Variants in THSD7A observed in about 807,000 individuals in gnomAD.
The protein encoded by THSD7A is thrombospondin type 1 domain containing 7A.
THSD7A carries 96 observed loss-of-function variants against 231.3 expected under a neutral mutation model. That is an observed-to-expected ratio of 0.41 (90% CI 0.35 to 0.49). The LOEUF is 0.49. Among genes scored for constraint, THSD7A ranks in the 20% least tolerant of loss-of-function variants. The pLI is 0.05. For missense variants in THSD7A, 2,290 were observed against 2,070.2 expected (o/e 1.11, Z -2.06); for synonymous variants, 940 against 743.3 (o/e 1.26, Z -4.30).
At position 11,460,677 on chromosome 7, in the gene THSD7A, C is replaced by T; in HGVS notation, c.2590G>A (p.Gly864Arg). The T allele has an allele frequency of 6.2e-7, 1 of 1,610,446 alleles. No individual in the cohort carries two copies. Among genetic ancestry groups the T allele is most frequent in the Non-Finnish European group, 8.5e-7 (1 of 1,178,410 alleles). Residue 864 changes from glycine to arginine, a missense_variant, in exon 11 of 28, where the codon GGG (glycine) becomes AGG (arginine). Physicochemically the swap from Gly to Arg is moderately radical, Grantham distance 125. Transcript: ENST00000423059. ...GGCCTCCCACCTCTTGCCTGTCGCC[C>T]AGGCCCACAGCCTTCCTGTGCTCCA... ...SPGAQEGCGP[G>R]RQARAITCRK...
intron 1 of THSD7A, among the ~76,000 whole-genome samples, chr7:11,642,534 C>T (rs1782124042): frequency 6.6e-6 from 1 of 152,124 alleles, no homozygotes; most frequent in South Asian, 2.1e-4. Flanking sequence ...CTTAGCTTGA[C>T]AGATTTTATG....
chr7:11,565,028 A>G, intron 4 of THSD7A, among the ~76,000 whole-genome samples: 1 of 152,164 alleles, frequency 6.6e-6, no homozygotes, highest in East Asian at 1.9e-4. Context: ...CACTGCAAAT[A>G]TGGAGAGTCT....
intron 1 of THSD7A, among the ~76,000 whole-genome samples, chr7:11,654,697 G>C (rs2128370257): frequency 6.6e-6 from 1 of 151,936 alleles, no homozygotes; most frequent in Non-Finnish European, 1.5e-5. Context: ...TGGTTTATGT[G>C]GCCAATCTGT....
At chr7:11,379,555 A>G (rs1169007661) in intron 25 of THSD7A, 75 bp downstream of exon 25, 1 of 1,328,404 alleles carries the variant, frequency 7.5e-7, no homozygotes, top group African/African-American at 1.5e-5. Flanking sequence ...CTTTGGAGGA[A>G]GATAAACTGC....
chr7:11,767,448 T>C (rs1783064307), intron 1 of THSD7A, among the ~76,000 whole-genome samples: 1 of 152,168 alleles, frequency 6.6e-6, no homozygotes, highest in South Asian at 2.1e-4. Context: ...GCCAGGAACA[T>C]TAATTAGTCT....
At chr7:11,498,297 TAGCCTTTA>T (rs1410064530) in intron 6 of THSD7A, among the ~76,000 whole-genome samples, 1 of 152,180 alleles carries the variant, frequency 6.6e-6, no homozygotes, top group Non-Finnish European at 1.5e-5. Flanking sequence ...TTGGCCATTC[TAGCCTTTA>T]GGCTTTGGAG....
At chr7:11,797,191 T>C (rs1048232108) in intron 1 of THSD7A, among the ~76,000 whole-genome samples, 9 of 152,102 alleles carry the variant, frequency 5.9e-5, no homozygotes, top group Admixed American at 3.9e-4. Flanking sequence ...TTACCTTCTG[T>C]CCTCTAACAG....
intron 2 of THSD7A, among the ~76,000 whole-genome samples, chr7:11,599,022 C>T (rs1780461375): frequency 6.6e-6 from 1 of 152,144 alleles, no homozygotes; most frequent in Non-Finnish European, 1.5e-5. Flanking sequence ...CAGTTTACTA[C>T]TCCATAACAG....
chr7:11,668,068 G>C (rs956158265), intron 1 of THSD7A, among the ~76,000 whole-genome samples: 1 of 152,096 alleles, frequency 6.6e-6, no homozygotes, highest in East Asian at 1.9e-4. Context: ...ACTGTGCCAG[G>C]AAGTACCTGT....
At chr7:11,399,903 G>A (rs955235355) in intron 23 of THSD7A, among the ~76,000 whole-genome samples, 3 of 151,936 alleles carry the variant, frequency 2.0e-5, no homozygotes, top group African/African-American at 7.3e-5. Flanking sequence ...AAAGACTTGG[G>A]ACCAACCCAA....
chr7:11,429,252 C>T (rs1475829289), intron 13 of THSD7A, 127 bp from the exon 14 acceptor site: 2 of 854,588 alleles, frequency 2.3e-6, no homozygotes, highest in African/African-American at 1.7e-5. Context: ...GCAGAGGTGT[C>T]TCTGTTGTAA....
rs1426541405 is a variant in THSD7A at position 11,831,550 on chromosome 7, C to G, written c.190+207G>C. Among the ~76,000 whole-genome samples the G allele has an allele frequency of 6.6e-6, 1 of 152,210 alleles. No homozygotes were observed. Among genetic ancestry groups the G allele is most frequent in the African/African-American group, 2.4e-5 (1 of 41,462 alleles). The stretch of plus-strand genomic sequence containing the variant: ...AGCTGCGAGAGAAATATTCCAGCTA[C>G]TCACTGTTGCCTCTTAGTTGTTATG... On this transcript the variant is annotated intron_variant, in intron 1 of 27. Transcript: ENST00000423059. The surrounding 1 kb of genome is among the most constrained non-coding windows in gnomAD (Gnocchi z 5.0).
At chr7:11,799,113 G>A (rs6952082) in intron 1 of THSD7A, among the ~76,000 whole-genome samples, 2,429 of 152,064 alleles carry the variant, frequency 0.016, 57 homozygotes, top group African/African-American at 0.055. Flanking sequence ...GGTAGAGATG[G>A]GGTTTCACCA....
Position 11,462,250 on chromosome 7 carries a change from A to G in THSD7A, c.2369-107T>C, listed in dbSNP as rs143373506. 63 of 1,289,226 alleles carry G rather than the reference A, an allele frequency of 4.9e-5. No homozygotes were observed. In the African/African-American group the frequency reaches 7.4e-4, roughly 15 times the overall value. 79.9% of individuals were successfully genotyped at this position (1,289,226 alleles called of 1,614,324 possible). On this transcript the variant is annotated intron_variant, in intron 9 of 27. Transcript: ENST00000423059. ...ATTGCCTCCAGCTACATGTGCTTTG[A>G]CATCCCTGAGAGGCTTCACCTGGTC...
Position 11,573,509 on chromosome 7 carries a change from A to C in THSD7A, c.1453+16951T>G, listed in dbSNP as rs12699242. Among the ~76,000 whole-genome samples, 3 of 152,106 alleles carry C rather than the reference A, an allele frequency of 2.0e-5. 1 individual carries two copies. In the South Asian group the frequency reaches 6.2e-4, roughly 32 times the overall value. Reference sequence around the variant, plus strand: ...GCAGATGGAGGCAATTTTGAAGCTCAGTTCACAACTGTAATCACGGTCTTC... The same window carrying C: ...GCAGATGGAGGCAATTTTGAAGCTCCGTTCACAACTGTAATCACGGTCTTC... On this transcript the variant is annotated intron_variant, in intron 4 of 27. Coordinates refer to ENST00000423059, the MANE Select transcript of THSD7A (RefSeq NM_015204.3).
At chr7:11,802,056 C>T (rs559142279) in intron 1 of THSD7A, among the ~76,000 whole-genome samples, 64 of 152,244 alleles carry the variant, frequency 4.2e-4, no homozygotes, top group African/African-American at 1.5e-3. Flanking sequence ...CAATTTCTAA[C>T]CACAAAACTT....
intron 6 of THSD7A, among the ~76,000 whole-genome samples, chr7:11,495,879 C>T (rs1485299510): frequency 2.6e-5 from 4 of 151,940 alleles, no homozygotes; most frequent in Admixed American, 6.6e-5. Flanking sequence ...TACACAGAAT[C>T]GAAATAACAG....
At chr7:11,638,832 C>A (rs180846595) in intron 1 of THSD7A, among the ~76,000 whole-genome samples, 2 of 152,050 alleles carry the variant, frequency 1.3e-5, no homozygotes, top group Non-Finnish European at 2.9e-5. Context: ...ATATTTTAAT[C>A]TTATTTTTAA....
At chr7:11,630,244 G>GA (rs1781606419) in intron 2 of THSD7A, among the ~76,000 whole-genome samples, 1 of 152,120 alleles carries the variant, frequency 6.6e-6, no homozygotes, top group Admixed American at 6.5e-5. Context: ...GCTGTGTTGA[G>GA]AAAAAATACA....
Sources: gnomAD v4.1 joint callset for allele counts (sites outside exome capture counted in the v4.1 genomes callset) on GRCh38, gnomAD v4.1.1 for gene constraint, Gnocchi (gnomAD v3.1) non-coding constraint, MANE v1.5 for transcripts, NCBI Gene and HGNC (gene_info 2026-07-23, HGNC 2026-07-21) for gene names.